Variants in CUBN observed in about 807,000 individuals in gnomAD.
CUBN encodes the protein 460 kDa receptor.
In CUBN, 282 loss-of-function variants were observed where a neutral mutation model predicts 405.3. The ratio of observed to expected loss-of-function variants is 0.70; its 90% confidence interval spans 0.63 to 0.77. The LOEUF is 0.77. CUBN is among the 30% of genes least tolerant of loss of function. CUBN has a pLI of 0.00. For missense variants in CUBN, 4,514 were observed against 4,475.2 expected (o/e 1.01, Z -0.25); for synonymous variants, 1,684 against 1,617.0 (o/e 1.04, Z -0.99).
intron 31 of CUBN, 70 bp from the exon 32 acceptor site, chr10:16,954,618 T>C (rs1053729491): frequency 2.0e-6 from 3 of 1,522,732 alleles, no homozygotes; most frequent in Non-Finnish European, 2.7e-6. Flanking sequence ...CCACGAACTG[T>C]CTGCACGCCG....
At chr10:17,115,638 T>C (rs1426578571) in intron 6 of CUBN, 41 bp from the exon 7 acceptor site, 1 of 1,610,558 alleles carries the variant, frequency 6.2e-7, no homozygotes, top group Admixed American at 1.7e-5. Context: ...GCACGCGCTT[T>C]GGGGCCAGTG....
intron 29 of CUBN, among the ~76,000 whole-genome samples, chr10:16,987,100 T>A (rs1416976687): frequency 6.6e-6 from 1 of 152,190 alleles, no homozygotes; most frequent in Non-Finnish European, 1.5e-5. Context: ...TTGTCCTGGT[T>A]TACTGCTCCA....
intron 40 of CUBN, among the ~76,000 whole-genome samples, chr10:16,931,724 G>T (rs1010620434): frequency 6.6e-6 from 1 of 152,142 alleles, no homozygotes; most frequent in Admixed American, 6.6e-5. Context: ...CAGGTAGAAC[G>T]GGTTTGGAGC....
chr10:16,830,276 G>T (rs188087832), intron 65 of CUBN, among the ~76,000 whole-genome samples: 3 of 152,232 alleles, frequency 2.0e-5, no homozygotes, highest in African/African-American at 7.2e-5. Context: ...AGCATTGGAG[G>T]TCACCTTTAA....
At chr10:16,898,409 A>G (rs1588630128) in intron 54 of CUBN, among the ~76,000 whole-genome samples, 3 of 152,278 alleles carry the variant, frequency 2.0e-5, no homozygotes, top group East Asian at 3.9e-4. Context: ...TAACGTGACC[A>G]GTGTTATTTC....
rs1373149977 is a variant in CUBN, at chr10:17,054,059, G to A, written c.3140-6456C>T. ...ATTAAAATTTGGGAGGTGGCTGGGCGCAGTGGCTCACTCCTGTAATCCTAG... is the reference window on the plus strand; with the variant it reads ...ATTAAAATTTGGGAGGTGGCTGGGCACAGTGGCTCACTCCTGTAATCCTAG... On this transcript the variant is annotated intron_variant, in intron 22 of 66. Coordinates refer to ENST00000377833, the MANE Select transcript of CUBN (RefSeq NM_001081.4). 3.9e-5 allele frequency among the ~76,000 whole-genome samples: 6 copies of A among 152,126 alleles called. No homozygotes were observed. In the South Asian group the frequency reaches 6.3e-4, roughly 16 times the overall value.
At position 17,103,221 on chromosome 10, in the gene CUBN, G is replaced by A. The variant is rs1196940907; in HGVS notation, c.1434C>T (p.Leu478=). The change falls in exon 13 of 67, where the codon CTC becomes CTT. Residue 478 remains leucine, a synonymous_variant. Coordinates refer to ENST00000377833, the MANE Select transcript of CUBN (RefSeq NM_001081.4). ...AGCTGAAGCTTCCATTTATTCCTGA[G>A]AGGGACTCTCCACAAACTGCAAAGG... ...QVPQQVCGES[L]SGINGSFSYR... 3.7e-6 allele frequency: 6 copies of A among 1,611,346 alleles called. No individual in the cohort carries two copies. Among genetic ancestry groups the A allele is most frequent in the Non-Finnish European group, 5.1e-6 (6 of 1,177,700 alleles).
chr10:17,065,503 G>T lies in CUBN; in HGVS notation c.3139+5C>A, dbSNP rs761535943. The T allele has an allele frequency of 1.7e-5, 27 of 1,612,846 alleles. No homozygotes were observed. The highest frequency in any genetic ancestry group is 2.3e-5 in the Non-Finnish European group (27 of 1,179,188). On this transcript the variant is annotated splice_donor_5th_base_variant and intron_variant, in intron 22 of 66. Transcript: ENST00000377833. ...AAAACCGAGTATGCAATGCTGTTTT[G>T]TTACCTGTTGCTGCACTGATTGCTT...
At chr10:17,092,508 A>G (rs1836286345) in intron 14 of CUBN, among the ~76,000 whole-genome samples, 1 of 152,126 alleles carries the variant, frequency 6.6e-6, no homozygotes, top group East Asian at 1.9e-4. Context: ...GGTCGCAAAG[A>G]CCTTGTTGAT....
At chr10:16,993,616 T>C (rs1833653825) in intron 28 of CUBN, among the ~76,000 whole-genome samples, 1 of 152,108 alleles carries the variant, frequency 6.6e-6, no homozygotes, top group Non-Finnish European at 1.5e-5. Context: ...AAGTATATCT[T>C]GTTAATAGCA....
chr10:17,081,205 A>G (rs982135460), intron 17 of CUBN, among the ~76,000 whole-genome samples: 8 of 152,216 alleles, frequency 5.3e-5, no homozygotes, highest in Non-Finnish European at 2.9e-5. Context: ...ACACTCAGCA[A>G]TGGTACCTTA....
In CUBN at chr10:16,968,091, A is replaced by G. The variant is rs77911778; in HGVS notation, c.4696-13543T>C. On this transcript the variant is annotated intron_variant, in intron 31 of 66. Coordinates refer to ENST00000377833, the MANE Select transcript of CUBN (RefSeq NM_001081.4). ...TTTGTAAAACAGTAAATATTTAAAG[A>G]AGACTTGTTTCCATCATCTCTTTGA... 1.7e-3 allele frequency among the ~76,000 whole-genome samples: 253 copies of G among 152,282 alleles called. 1 individual carries two copies. Among genetic ancestry groups the G allele is most frequent in the African/African-American group, 5.8e-3 (242 of 41,566 alleles).
At chr10:17,121,373 A>T (rs1837035784) in intron 6 of CUBN, among the ~76,000 whole-genome samples, 1 of 152,274 alleles carries the variant, frequency 6.6e-6, no homozygotes, top group East Asian at 1.9e-4. Flanking sequence ...CCATAAAAAA[A>T]TGATGAGTTC....
chr10:16,828,960 A>C lies in CUBN; in HGVS notation c.10609T>G (p.Cys3537Gly), dbSNP rs755299595. Residue 3537 changes from cysteine to glycine, a missense_variant, in exon 66 of 67, where the codon TGC becomes GGC. Physicochemically the swap from Cys to Gly is radical, Grantham distance 159. Around this residue, in one of 5 missense-constraint regions of CUBN, gnomAD observed 1,186 missense variants for 1,186.9 expected, o/e 1.00. Coordinates refer to ENST00000377833, the MANE Select transcript of CUBN (RefSeq NM_001081.4). Reference protein sequence around the residue: ...YPGTYPNNTYCEWVLVAPAGR... With the variant: ...YPGTYPNNTYGEWVLVAPAGR... The stretch of plus-strand genomic sequence containing the variant: ...GCAGGAGCAACAAGGACCCACTCGC[A>C]GTACGTGTTGTTTGGGTATGTGCCT... 6.2e-7 allele frequency: 1 copy of C among 1,614,180 alleles called. No homozygotes were observed. The highest frequency in any genetic ancestry group is 8.5e-7 in the Non-Finnish European group (1 of 1,180,032).
rs1835652195 is a variant in CUBN at position 17,068,063 on chromosome 10, C to T, written c.3008+1G>A. 2 of 1,606,722 alleles carry T rather than the reference C, an allele frequency of 1.2e-6. No homozygotes were observed. Among genetic ancestry groups the T allele is most frequent in the Non-Finnish European group, 1.7e-6 (2 of 1,173,626 alleles). ...AAACAAACAAACAAACATAACCTTACCTTCCAAGGGATGTCTCAGAGTCGG... is the reference window on the plus strand; with the variant it reads ...AAACAAACAAACAAACATAACCTTATCTTCCAAGGGATGTCTCAGAGTCGG... On this transcript the variant is annotated splice_donor_variant, in intron 21 of 66. Coordinates refer to ENST00000377833, the MANE Select transcript of CUBN (RefSeq NM_001081.4). LOFTEE classifies it high-confidence loss of function.
intron 60 of CUBN, among the ~76,000 whole-genome samples, chr10:16,843,448 G>A (rs1425518636): frequency 3.3e-5 from 5 of 152,160 alleles, no homozygotes; most frequent in Non-Finnish European, 5.9e-5. Flanking sequence ...AAAAGAAAAA[G>A]AAATGCACCA....
At chr10:16,927,018 C>T (rs539333862) in intron 41 of CUBN, among the ~76,000 whole-genome samples, 1 of 152,044 alleles carries the variant, frequency 6.6e-6, no homozygotes, top group African/African-American at 2.4e-5. Flanking sequence ...GTCCATTATA[C>T]CACTCACAGG....
At chr10:17,020,781 TTTATA>T (rs1180790152) in intron 27 of CUBN, among the ~76,000 whole-genome samples, 2 of 152,196 alleles carry the variant, frequency 1.3e-5, no homozygotes, top group Non-Finnish European at 2.9e-5. Context: ...ATATAATGTA[TTTATA>T]TTATAATTCT....
chr10:16,949,579 A>C (rs898717472), intron 34 of CUBN, among the ~76,000 whole-genome samples: 3 of 151,662 alleles, frequency 2.0e-5, no homozygotes, highest in Non-Finnish European at 4.4e-5. Flanking sequence ...AATGGAATTA[A>C]TTAATTAATT....
Sources: allele counts gnomAD v4.1 joint callset (sites outside exome capture counted in the v4.1 genomes callset), GRCh38; gene constraint gnomAD v4.1.1; regional missense constraint gnomAD v4.1.1; transcripts MANE v1.5; gene names NCBI Gene and HGNC (gene_info 2026-07-23, HGNC 2026-07-21).